The following SLC37A3 variants were observed in gnomAD, a reference collection of about 807,000 sequenced individuals.
The protein encoded by SLC37A3 is solute carrier family 37 member 3.
In SLC37A3, 51 loss-of-function variants were observed where a neutral mutation model predicts 67.1. That is an observed-to-expected ratio of 0.76 (90% CI 0.61 to 0.96). The LOEUF is 0.96. SLC37A3 is among the 40% of genes least tolerant of loss of function. The pLI is 0.00. For missense variants in SLC37A3, 508 were observed against 603.0 expected, an observed-to-expected ratio of 0.84 and a Z score of 1.65; for synonymous variants, 214 against 231.4, an observed-to-expected ratio of 0.92 and a Z score of 0.68.
At chr7:140,396,130 CT>C (rs1437271641) in intron 1 of SLC37A3, among the ~76,000 whole-genome samples, 1 of 152,010 alleles carries the variant, frequency 6.6e-6, no homozygotes, top group East Asian at 1.9e-4. Context: ...AGCGATCCTC[CT>C]GCCTCAGCCT....
chr7:140,375,540 G>T (rs1160226258), intron 3 of SLC37A3, among the ~76,000 whole-genome samples: 3 of 151,770 alleles, frequency 2.0e-5, no homozygotes, highest in African/African-American at 7.3e-5. Flanking sequence ...CAATTTTAAA[G>T]AAACATCTTT....
chr7:140,359,230 C>A (rs1271819984), intron 5 of SLC37A3, among the ~76,000 whole-genome samples: 1 of 151,588 alleles, frequency 6.6e-6, no homozygotes, highest in Admixed American at 6.6e-5. Flanking sequence ...GTAGTCCCAG[C>A]TACTCAGGAG....
intron 6 of SLC37A3, among the ~76,000 whole-genome samples, chr7:140,356,335 CA>C (rs1797028404): frequency 6.6e-6 from 1 of 151,936 alleles, no homozygotes; most frequent in South Asian, 2.1e-4. Flanking sequence ...GAAAAGTGGG[CA>C]AAAGATTTTA....
chr7:140,369,964 G>C (rs1014694377), intron 3 of SLC37A3, among the ~76,000 whole-genome samples: 1 of 152,044 alleles, frequency 6.6e-6, no homozygotes, highest in Non-Finnish European at 1.5e-5. Flanking sequence ...TACAAAATTA[G>C]CCAGGCATGG....
intron 13 of SLC37A3, 52 bp downstream of exon 13, chr7:140,343,360 G>T: frequency 6.2e-7 from 1 of 1,610,236 alleles, no homozygotes; most frequent in African/African-American, 1.3e-5. Context: ...TTCACATTCA[G>T]CCGCCTTTGA....
In SLC37A3 at chr7:140,340,434, A is replaced by G. The variant is rs75989342; in HGVS notation, c.1326+2978T>C. Among the ~76,000 whole-genome samples the G allele has an allele frequency of 7.4e-3, 1,133 of 152,082 alleles. 13 individuals carry two copies. Among genetic ancestry groups the G allele is most frequent in the African/African-American group, 0.025 (1,039 of 41,476 alleles). On this transcript the variant is annotated intron_variant, in intron 13 of 14. Transcript: ENST00000326232. ...GTCCTGGCACCCTTGTCAAAAATCA[A>G]TTTGGCCGCAGACACAAAAGGGTAG...
chr7:140,362,808 C>CT (rs1797404306), intron 5 of SLC37A3, among the ~76,000 whole-genome samples: 1 of 85,754 alleles, frequency 1.2e-5, no homozygotes, highest in Non-Finnish European at 2.6e-5. Flanking sequence ...CCAGCCGCCC[C>CT]GTCCCGGAGG....
chr7:140,382,166 C>T (rs533722708), intron 2 of SLC37A3, among the ~76,000 whole-genome samples: 4 of 151,938 alleles, frequency 2.6e-5, no homozygotes, highest in South Asian at 4.1e-4. Context: ...CATGGGAGGA[C>T]GTTTAGTAGC....
intron 5 of SLC37A3, among the ~76,000 whole-genome samples, chr7:140,362,585 C>T (rs1350018899): frequency 4.9e-5 from 4 of 81,912 alleles, no homozygotes; most frequent in Non-Finnish European, 1.1e-4. Flanking sequence ...CCGCCCCGTC[C>T]GGGAGGTGAG....
At position 140,382,420 on chromosome 7, in the gene SLC37A3, C is replaced by A; in HGVS notation, c.89+18G>T. On this transcript the variant is annotated intron_variant, in intron 2 of 14. Transcript: ENST00000326232. ...AAAAAGAAAAAAAGCAGGAGAGCAG[C>A]TTTGGCAACATGCTTACCTGAAGAA... is the stretch of plus-strand genomic sequence containing the variant. 1.2e-6 allele frequency: 2 copies of A among 1,610,986 alleles called. No individual in the cohort carries two copies. Among genetic ancestry groups the A allele is most frequent in the Middle Eastern group, 1.7e-4 (1 of 6,042 alleles).
In SLC37A3 at chr7:140,382,451, G is replaced by C; in HGVS notation, c.76C>G (p.Leu26Val). 1 of 1,614,064 alleles carries C rather than the reference G, an allele frequency of 6.2e-7. No homozygotes were observed. The highest frequency in any genetic ancestry group is 8.5e-7 in the Non-Finnish European group (1 of 1,179,938). ...FSHHHVVVFLLTFFSYSLLHA... is the reference protein window; with the variant it reads ...FSHHHVVVFLVTFFSYSLLHA... Reference sequence around the variant, plus strand: ...CAACATGCTTACCTGAAGAAAGTGAGCAGGAACACTACAACATGATGATGG... The same window carrying C: ...CAACATGCTTACCTGAAGAAAGTGACCAGGAACACTACAACATGATGATGG... The change falls in exon 2 of 15, where the codon CTC (leucine) becomes GTC (valine). Residue 26 changes from leucine to valine, a missense_variant. Transcript: ENST00000326232.
chr7:140,350,962 G>A (rs1796768722), intron 9 of SLC37A3, among the ~76,000 whole-genome samples: 1 of 152,076 alleles, frequency 6.6e-6, no homozygotes, highest in Non-Finnish European at 1.5e-5. Flanking sequence ...GCCAAGTCTG[G>A]CCACGTCTAA....
intron 1 of SLC37A3, among the ~76,000 whole-genome samples, chr7:140,396,887 T>G (rs1401315799): frequency 1.7e-4 from 13 of 75,416 alleles, no homozygotes; most frequent in Non-Finnish European, 3.3e-4. Flanking sequence ...TTTCTGTTTT[T>G]TTTTTTGTTT....
At position 140,352,118 on chromosome 7, in the gene SLC37A3, T is replaced by C. The variant is rs1211264102; in HGVS notation, c.647A>G (p.Gln216Arg). The change falls in exon 8 of 15, where the codon CAG becomes CGG. Residue 216 changes from glutamine (Q) to arginine (R), a missense_variant. Transcript: ENST00000326232. ...GAAGATAACGATCCCACCAGCAAACTGCACAGACGCCGTCACCAGAAAGGC... is the reference window on the plus strand; with the variant it reads ...GAAGATAACGATCCCACCAGCAAACCGCACAGACGCCGTCACCAGAAAGGC... ...EYAFLVTASV[Q>R]FAGGIVIFFG... is the part of the protein sequence containing the mutation. The C allele has an allele frequency of 6.2e-7, 1 of 1,612,976 alleles. No individual in the cohort carries two copies. Among genetic ancestry groups the C allele is most frequent in the Admixed American group, 1.7e-5 (1 of 59,798 alleles).
chr7:140,369,730 G>A, intron 3 of SLC37A3, 48 bp from the exon 4 acceptor site: 3 of 1,517,698 alleles, frequency 2.0e-6, no homozygotes, highest in Non-Finnish European at 2.7e-6. Context: ...AATCTGCCAG[G>A]GCTTTCTGTT....
chr7:140,392,169 T>G (rs1217122324), intron 1 of SLC37A3, among the ~76,000 whole-genome samples: 1 of 152,128 alleles, frequency 6.6e-6, no homozygotes, highest in Non-Finnish European at 1.5e-5. Context: ...GGAAGATAAC[T>G]GAAGGTCCTG....
intron 1 of SLC37A3, among the ~76,000 whole-genome samples, chr7:140,393,996 C>A (rs1309439542): frequency 6.6e-6 from 1 of 151,986 alleles, no homozygotes; most frequent in Non-Finnish European, 1.5e-5. Context: ...TATGGTGAAA[C>A]CCTGTCTCTA....
At chr7:140,382,700 A>T in intron 1 of SLC37A3, 104 bp from the exon 2 acceptor site, 1 of 520,068 alleles carries the variant, frequency 1.9e-6, no homozygotes, top group Non-Finnish European at 3.4e-6. Flanking sequence ...CCTTGTGGGA[A>T]AAAAATCTTA....
At chr7:140,351,718 T>C (rs1796810510) in intron 8 of SLC37A3, 1 of 565,174 alleles carries the variant, frequency 1.8e-6, no homozygotes, top group South Asian at 2.2e-5. Context: ...AGTATCTTTT[T>C]TGTGCATCAT....
Sources: allele counts gnomAD v4.1 joint callset (sites outside exome capture counted in the v4.1 genomes callset), GRCh38; gene constraint gnomAD v4.1.1; transcripts MANE v1.5; gene names NCBI Gene and HGNC (gene_info 2026-07-23, HGNC 2026-07-21).